Variants in SMARCAD1 observed in about 807,000 individuals in gnomAD.
SMARCAD1 encodes the protein SWI/SNF-related matrix-associated actin-dependent regulator of chromatin subfamily A containing DEAD/H box 1.
SMARCAD1 carries 25 observed loss-of-function variants against 127.1 expected under a neutral mutation model. The observed-to-expected ratio is 0.20, with a 90% CI of 0.14 to 0.27. SMARCAD1 has a LOEUF of 0.27. SMARCAD1 is among the 10% of genes least tolerant of loss of function. The pLI is 1.00. For missense variants in SMARCAD1, 807 were observed against 1,206.0 expected, an observed-to-expected ratio of 0.67 and a Z score of 4.90; for synonymous variants, 400 against 396.9, an observed-to-expected ratio of 1.01 and a Z score of -0.09.
chr4:94,289,723 A>C lies in SMARCAD1; in HGVS notation c.*189A>C, dbSNP rs546258454. On this transcript the variant is annotated 3_prime_UTR_variant, in exon 24 of 24. Coordinates refer to ENST00000354268, the MANE Select transcript of SMARCAD1 (RefSeq NM_020159.5). ...TCCAAATACTCACACGTGAAATTTC[A>C]AAAAAGAAGCCACAAATATGTAGTT... 134 of 690,574 alleles carry C rather than the reference A, an allele frequency of 1.9e-4. 1 individual carries two copies. The East Asian group carries it at 3.6e-3, about 19-fold the overall frequency. The allele number at this position is 690,574 out of a possible 1,614,324, so 42.8% of individuals were successfully genotyped here.
intron 6 of SMARCAD1, among the ~76,000 whole-genome samples, chr4:94,248,050 A>C (rs1748725185): frequency 6.6e-6 from 1 of 152,106 alleles, no homozygotes; most frequent in African/African-American, 2.4e-5. Flanking sequence ...ATTTTTATGA[A>C]CACGTGTACC....
At chr4:94,210,601 TA>T (rs1418294990) in intron 2 of SMARCAD1, among the ~76,000 whole-genome samples, 2 of 151,992 alleles carry the variant, frequency 1.3e-5, no homozygotes, top group African/African-American at 4.8e-5. Context: ...GGTTTCAAAG[TA>T]ATGAAGGGCA....
intron 9 of SMARCAD1, among the ~76,000 whole-genome samples, chr4:94,257,803 T>TA (rs1278709463): frequency 2.6e-5 from 4 of 152,168 alleles, no homozygotes; most frequent in Admixed American, 6.5e-5. Context: ...GTAATATAGT[T>TA]ATAATGCACT....
chr4:94,279,002 A>G lies in SMARCAD1; in HGVS notation c.2370A>G (p.Gln790=), dbSNP rs746290982. ...CCAATCATCCTTTATTACATCGCCA[A>G]TATTACACAGCTGAAAAACTCAAGG... is the stretch of plus-strand genomic sequence containing the variant. ...KMANHPLLHR[Q]YYTAEKLKEM... The change falls in exon 19 of 24, where the codon CAA becomes CAG. Residue 790 remains glutamine, a synonymous_variant. Transcript: ENST00000354268. The G allele has an allele frequency of 2.1e-5, 34 of 1,614,030 alleles. No homozygotes were observed. In the Admixed American group the frequency reaches 3.2e-4, roughly 15 times the overall value.
intron 6 of SMARCAD1, among the ~76,000 whole-genome samples, chr4:94,243,011 CG>C (rs1747834551): frequency 1.3e-5 from 2 of 152,172 alleles, no homozygotes; most frequent in Non-Finnish European, 2.9e-5. Flanking sequence ...CTCATCCTGT[CG>C]CCCAGGCATG....
rs1755549554 is a variant in SMARCAD1 at position 94,290,542 on chromosome 4, C to G, written c.*1008C>G. ...TAGGTCATTAACTTGAAACTCTTAT[C>G]AAAATATATTTTACCAGTTTCCAGA... On this transcript the variant is annotated 3_prime_UTR_variant, in exon 24 of 24. Coordinates refer to ENST00000354268, the MANE Select transcript of SMARCAD1 (RefSeq NM_020159.5). The G allele has an allele frequency of 6.6e-6, 3 of 454,326 alleles. No individual in the cohort carries two copies. The Admixed American group carries it at 7.1e-5, about 11-fold the overall frequency. 28.1% of individuals were successfully genotyped at this position (454,326 alleles called of 1,614,324 possible).
intron 2 of SMARCAD1, among the ~76,000 whole-genome samples, chr4:94,208,791 GTTC>G (rs1209102719): frequency 6.6e-6 from 1 of 152,126 alleles, no homozygotes; most frequent in Non-Finnish European, 1.5e-5. Flanking sequence ...TTTTATATGA[GTTC>G]TTCGAATATG....
intron 7 of SMARCAD1, 99 bp downstream of exon 7, chr4:94,249,854 T>C (rs913568836): frequency 6.9e-6 from 5 of 729,308 alleles, no homozygotes; most frequent in Non-Finnish European, 1.2e-5. Flanking sequence ...AGGGTGAGTT[T>C]TGTATTCTTC....
chr4:94,275,154 A>G (rs758992309), intron 14 of SMARCAD1, among the ~76,000 whole-genome samples, 189 bp downstream of exon 14: 7 of 152,184 alleles, frequency 4.6e-5, no homozygotes, highest in Admixed American at 6.5e-5. Context: ...GGTTTTTGTT[A>G]GTGAATCACC....
At chr4:94,253,661 CAT>C (rs1433440674) in intron 9 of SMARCAD1, 6 of 1,025,056 alleles carry the variant, frequency 5.9e-6, no homozygotes, top group Non-Finnish European at 7.0e-6. Context: ...GAAGGGAAGG[CAT>C]AAGCACTGGT....
At chr4:94,224,891 C>T (rs11097406) in intron 2 of SMARCAD1, among the ~76,000 whole-genome samples, 45,411 of 151,900 alleles carry the variant, frequency 0.3, 7,739 homozygotes, top group East Asian at 0.71. Context: ...TAATGACCTA[C>T]GAGAGAATTA....
intron 9 of SMARCAD1, among the ~76,000 whole-genome samples, chr4:94,261,366 C>G (rs910879587): frequency 2.6e-5 from 4 of 152,148 alleles, no homozygotes; most frequent in African/African-American, 9.7e-5. Flanking sequence ...CACTAACCTT[C>G]AACAATACAG....
chr4:94,280,338 G>A (rs1014780665), intron 19 of SMARCAD1, among the ~76,000 whole-genome samples: 4 of 151,884 alleles, frequency 2.6e-5, no homozygotes, highest in Non-Finnish European at 5.9e-5. Flanking sequence ...CTTCTCCCCA[G>A]GGTTATTTTG....
At chr4:94,273,550 CTGTATTTTTA>C in intron 11 of SMARCAD1, 57 bp from the exon 12 acceptor site, 1 of 1,174,436 alleles carries the variant, frequency 8.5e-7, no homozygotes, top group Non-Finnish European at 1.2e-6. Context: ...GCTTTTTCTT[CTGTATTTTTA>C]TGTATTTATT....
chr4:94,239,365 A>C (rs1747210571), intron 5 of SMARCAD1, among the ~76,000 whole-genome samples: 1 of 2,648 alleles, frequency 3.8e-4, no homozygotes, highest in Non-Finnish European at 4.9e-4. Context: ...TTAACCACAA[A>C]TTGCAGTCTT....
chr4:94,207,985 C>A lies in SMARCAD1; in HGVS notation c.-135C>A. The A allele has an allele frequency of 2.7e-6, 1 of 375,816 alleles. No individual in the cohort carries two copies. The highest frequency in any genetic ancestry group is 2.0e-5 in the South Asian group (1 of 49,696). The allele number at this position is 375,816 out of a possible 1,614,324, so 23.3% of individuals were successfully genotyped here. On this transcript the variant is annotated 5_prime_UTR_variant, in exon 1 of 24. Transcript: ENST00000354268. Reference sequence around the variant, plus strand: ...GCAGGTCCTTTCTCGAGGCAGGGGGCACGGTAGCACAGGGAGCTTCTCTTT... The same window carrying A: ...GCAGGTCCTTTCTCGAGGCAGGGGGAACGGTAGCACAGGGAGCTTCTCTTT...
At chr4:94,243,164 C>A (rs1747859320) in intron 6 of SMARCAD1, among the ~76,000 whole-genome samples, 1 of 152,174 alleles carries the variant, frequency 6.6e-6, no homozygotes, top group African/African-American at 2.4e-5. Flanking sequence ...ATCTCAAACT[C>A]CTGACCTCAG....
chr4:94,251,564 A>G (rs1749274738), intron 8 of SMARCAD1, among the ~76,000 whole-genome samples: 1 of 152,250 alleles, frequency 6.6e-6, no homozygotes, highest in South Asian at 2.1e-4. Context: ...CAGAAGAGCC[A>G]TGTTATGAAT....
intron 2 of SMARCAD1, among the ~76,000 whole-genome samples, chr4:94,224,971 T>G (rs1389018937): frequency 6.6e-6 from 1 of 152,212 alleles, no homozygotes; most frequent in Non-Finnish European, 1.5e-5. Flanking sequence ...ATTAATTTCC[T>G]AGACCAGGCA....
Sources: gnomAD v4.1 joint callset for allele counts (sites outside exome capture counted in the v4.1 genomes callset) on GRCh38, gnomAD v4.1.1 for gene constraint, MANE v1.5 for transcripts, NCBI Gene and HGNC (gene_info 2026-07-23, HGNC 2026-07-21) for gene names.